Variants in NPHP4 observed in about 807,000 individuals in gnomAD.
NPHP4 encodes nephrocystin 4, also known as nephrocystin-4.
Under a neutral mutation model 155.8 loss-of-function variants are expected in NPHP4, and 151 were observed. The observed-to-expected ratio is 0.97, with a 90% confidence interval of 0.85 to 1.11. The LOEUF (loss-of-function observed/expected upper bound fraction) is 1.11, where lower values mean the gene tolerates loss of function less well. NPHP4 is among the 50% of genes least tolerant of loss of function. The probability of loss-of-function intolerance (pLI) is 0.00; values close to 1 mark genes in which losing one functional copy is unlikely to be tolerated. For missense variants in NPHP4, 1,956 were observed against 1,925.7 expected (o/e 1.02, Z -0.29); for synonymous variants, 845 against 816.8 (o/e 1.03, Z -0.59).
intron 5 of NPHP4, among the ~76,000 whole-genome samples, chr1:5,962,272 A>G (rs113011789): frequency 0.053 from 8,009 of 152,192 alleles, 689 homozygotes; most frequent in African/African-American, 0.18. Context: ...CTCAAACTCC[A>G]GGGCTCAAGT....
intron 13 of NPHP4, among the ~76,000 whole-genome samples, chr1:5,906,675 T>C (rs1644927462): frequency 6.6e-6 from 1 of 152,262 alleles, no homozygotes; most frequent in South Asian, 2.1e-4. Context: ...CCAGTGGCAA[T>C]GCCAGTCTTA....
intron 2 of NPHP4, 132 bp downstream of exon 2, chr1:5,986,023 T>C: frequency 3.4e-6 from 3 of 891,484 alleles, no homozygotes; most frequent in Non-Finnish European, 5.4e-6. Flanking sequence ...AGAATGGCTA[T>C]ATGGGTACCA....
At position 5,863,181 on chromosome 1, in the gene NPHP4, A is replaced by C. The variant is rs1640812883; in HGVS notation, c.*84T>G. 1.4e-6 allele frequency: 2 copies of C among 1,388,920 alleles called. No individual in the cohort carries two copies. The highest frequency in any genetic ancestry group is 2.0e-6 in the Non-Finnish European group (2 of 1,003,948). The allele number at this position is 1,388,920 out of a possible 1,614,324, so 86.0% of individuals were successfully genotyped here. ...GGCACTGAAGTGAAAGGCTGCAGAGAGGCGGGGAGGACAGCCTGCAGGGCA... is the reference window on the plus strand; with the variant it reads ...GGCACTGAAGTGAAAGGCTGCAGAGCGGCGGGGAGGACAGCCTGCAGGGCA... On this transcript the variant is annotated 3_prime_UTR_variant, in exon 30 of 30. Transcript: ENST00000378156.
intron 9 of NPHP4, among the ~76,000 whole-genome samples, chr1:5,936,551 G>T (rs1159316152): frequency 6.6e-6 from 1 of 151,220 alleles, no homozygotes; most frequent in Non-Finnish European, 1.5e-5. Flanking sequence ...ACACCGAATT[G>T]CTCCCATTTA....
At chr1:5,919,728 G>A (rs956884450) in intron 11 of NPHP4, among the ~76,000 whole-genome samples, 4 of 151,780 alleles carry the variant, frequency 2.6e-5, no homozygotes, top group Non-Finnish European at 4.4e-5. Flanking sequence ...GTGTTTGTTT[G>A]TTTGTGGGTT....
At chr1:5,900,702 CATA>C (rs1644632790) in intron 16 of NPHP4, among the ~76,000 whole-genome samples, 1 of 152,018 alleles carries the variant, frequency 6.6e-6, no homozygotes, top group African/African-American at 2.4e-5. Flanking sequence ...GAGTTTAGTT[CATA>C]ATAATTTTTT....
At chr1:5,913,019 C>G (rs1299698313) in intron 11 of NPHP4, among the ~76,000 whole-genome samples, 1 of 152,056 alleles carries the variant, frequency 6.6e-6, no homozygotes, top group East Asian at 1.9e-4. Flanking sequence ...GACATGGTGG[C>G]ACGCGCCTGT....
At chr1:5,972,100 T>G (rs903347248) in intron 3 of NPHP4, among the ~76,000 whole-genome samples, 2 of 152,220 alleles carry the variant, frequency 1.3e-5, no homozygotes, top group Non-Finnish European at 2.9e-5. Flanking sequence ...GCACCCCCCA[T>G]GGCACGGCCA....
rs202179978 is a variant in NPHP4, at chr1:5,927,759, C to T, written c.1331G>A (p.Arg444Gln). ...EVKQVESGTL[R>Q]FQFSLGSEEH... ...TTCTGAGCCCAGCGAGAACTGGAAC[C>T]GGAGTGTACCCGACTCCACCTGCTT... Residue 444 changes from arginine (R) to glutamine (Q), a missense_variant, in exon 11 of 30, where the codon CGG (arginine) becomes CAG (glutamine). Physicochemically the swap from Arg to Gln is conservative, Grantham distance 43. Transcript: ENST00000378156. 4.5e-5 allele frequency: 72 copies of T among 1,612,940 alleles called. No homozygotes were observed. In the Admixed American group the frequency reaches 4.8e-4, roughly 11 times the overall value.
chr1:5,975,831 G>A (rs1044607771), intron 3 of NPHP4, among the ~76,000 whole-genome samples: 1 of 152,240 alleles, frequency 6.6e-6, no homozygotes, highest in Non-Finnish European at 1.5e-5. Flanking sequence ...AGGGCAGAGA[G>A]AGGCATCCAT....
At chr1:5,913,108 G>A (rs1407675388) in intron 11 of NPHP4, among the ~76,000 whole-genome samples, 2 of 145,300 alleles carry the variant, frequency 1.4e-5, no homozygotes, top group African/African-American at 5.1e-5. Context: ...CAGAGATCGC[G>A]CCACTGCACT....
intron 6 of NPHP4, among the ~76,000 whole-genome samples, 185 bp downstream of exon 6, chr1:5,961,609 C>T (rs1429823785): frequency 6.6e-6 from 1 of 152,120 alleles, no homozygotes; most frequent in Non-Finnish European, 1.5e-5. Context: ...AGGAGGGAAA[C>T]GGAAACTAGA....
chr1:5,898,843 GCACA>G (rs146386955), intron 16 of NPHP4, among the ~76,000 whole-genome samples: 7 of 149,640 alleles, frequency 4.7e-5, no homozygotes. Context: ...ACCCACACAT[GCACA>G]CACACACACA....
At chr1:5,966,220 G>A (rs1039134725) in intron 5 of NPHP4, among the ~76,000 whole-genome samples, 6 of 152,176 alleles carry the variant, frequency 3.9e-5, no homozygotes, top group African/African-American at 1.4e-4. Context: ...CAAGACCAGT[G>A]AGGGGCAAAG....
At chr1:5,955,854 A>G (rs1027497407) in intron 6 of NPHP4, among the ~76,000 whole-genome samples, 1 of 152,180 alleles carries the variant, frequency 6.6e-6, no homozygotes, top group African/African-American at 2.4e-5. Context: ...GTAAAATACA[A>G]AAGAGCTAGA....
intron 9 of NPHP4, among the ~76,000 whole-genome samples, chr1:5,938,959 CT>C (rs1317895930): frequency 6.6e-6 from 1 of 152,172 alleles, no homozygotes. Context: ...CGGAAAATTA[CT>C]GTATCTTGTA....
chr1:5,956,182 C>T (rs1237501018), intron 6 of NPHP4, among the ~76,000 whole-genome samples: 1 of 152,026 alleles, frequency 6.6e-6, no homozygotes, highest in Non-Finnish European at 1.5e-5. Context: ...TCTCAAGAGG[C>T]AGCAACTCAG....
In NPHP4 at chr1:5,905,829, C is replaced by G; in HGVS notation, c.1612-46G>C. 6.4e-7 allele frequency: 1 copy of G among 1,555,692 alleles called. No individual in the cohort carries two copies. Among genetic ancestry groups the G allele is most frequent in the Non-Finnish European group, 8.7e-7 (1 of 1,146,714 alleles). On this transcript the variant is annotated intron_variant, in intron 13 of 29. Transcript: ENST00000378156. The surrounding 1 kb of genome is among the most constrained non-coding windows in gnomAD (Gnocchi z 4.0). ...CAAGTGAGGCCACCAAGGACCCCAA[C>G]CCGTAACAACCAACGGTGCTCAGAT...
At chr1:5,879,384 G>A in intron 19 of NPHP4, 1 of 381,310 alleles carries the variant, frequency 2.6e-6, no homozygotes, top group South Asian at 2.0e-5. Flanking sequence ...CCTCCCTGCT[G>A]TGAAACACAT....
Sources: gnomAD v4.1 joint callset for allele counts (sites outside exome capture counted in the v4.1 genomes callset) on GRCh38, gnomAD v4.1.1 for gene constraint, Gnocchi (gnomAD v3.1) non-coding constraint, MANE v1.5 for transcripts, NCBI Gene and HGNC (gene_info 2026-07-23, HGNC 2026-07-21) for gene names.